Variants in TMEM259 observed in about 807,000 individuals in gnomAD.
The protein encoded by TMEM259 is transmembrane protein 259, also known as membralin.
In TMEM259, 26 loss-of-function variants were observed where a neutral mutation model predicts 46.7. That is an observed-to-expected ratio of 0.56 (90% CI 0.41 to 0.77). The LOEUF is 0.77. Among genes scored for constraint, TMEM259 ranks in the 30% least tolerant of loss-of-function variants. TMEM259 has a pLI of 0.00. For synonymous variants in TMEM259, 494 were observed against 395.1 expected (o/e 1.25, Z -2.97); for missense variants, 930 against 900.5 (o/e 1.03, Z -0.42).
rs2145573391 is a variant in TMEM259, at chr19:1,012,151, G to A, written c.756C>T (p.Ser252=). The A allele has an allele frequency of 6.2e-7, 1 of 1,607,852 alleles. No individual in the cohort carries two copies. The highest frequency in any genetic ancestry group is 8.5e-7 in the Non-Finnish European group (1 of 1,177,692). The change falls in exon 5 of 11, where the codon AGC becomes AGT. Residue 252 remains serine, a synonymous_variant. Coordinates refer to ENST00000356663, the MANE Select transcript of TMEM259 (RefSeq NM_001033026.2). ...CCAGGAACTCATCCAGCAGCAGGCG[G>A]CTGAAGCGGTCCCCGAAGCACTGGT... The part of the protein sequence containing the change: ...TRDQCFGDRF[S]RLLLDEFLGY...
chr19:1,018,798 C>T (rs1048701551), intron 1 of TMEM259, among the ~76,000 whole-genome samples: 3 of 152,078 alleles, frequency 2.0e-5, no homozygotes, highest in African/African-American at 7.2e-5. Context: ...CCAGCCTAGC[C>T]AACATGGCAA....
At chr19:1,016,585 G>C (rs1024996500) in intron 1 of TMEM259, among the ~76,000 whole-genome samples, 1 of 152,258 alleles carries the variant, frequency 6.6e-6, no homozygotes, top group Non-Finnish European at 1.5e-5. Context: ...GGTCGGGGCT[G>C]TCCAACGCTT....
intron 1 of TMEM259, among the ~76,000 whole-genome samples, chr19:1,015,128 C>T (rs969569015): frequency 2.0e-5 from 3 of 152,248 alleles, no homozygotes; most frequent in African/African-American, 2.4e-5. Context: ...GTGCAACCCT[C>T]CCAGGCCTGG....
intron 2 of TMEM259, 103 bp from the exon 3 acceptor site, chr19:1,013,443 G>T: frequency 8.3e-7 from 1 of 1,211,358 alleles, no homozygotes; most frequent in Non-Finnish European, 1.2e-6. Flanking sequence ...GGAAGCCTCA[G>T]CCTCTGCCCC....
At chr19:1,018,286 C>G (rs1434080873) in intron 1 of TMEM259, among the ~76,000 whole-genome samples, 1 of 152,240 alleles carries the variant, frequency 6.6e-6, no homozygotes, top group Non-Finnish European at 1.5e-5. Context: ...CTCCTCTCTC[C>G]CCAGCACCTG....
rs750300381 is a variant in TMEM259, at chr19:1,011,437, T to C, written c.1147A>G (p.Ile383Val). ...TCATACTGGTCCGCGAGCCACACGA[T>C]GAGGATGATGTAGAAGGCGGTGGTG... ...DTTTAFYIIL[I>V]VWLADQYDAI... Residue 383 changes from isoleucine to valine, a missense_variant, in exon 9 of 11, where the codon ATC (isoleucine) becomes GTC (valine). Transcript: ENST00000356663. 3.8e-6 allele frequency: 6 copies of C among 1,568,488 alleles called. No individual in the cohort carries two copies. The South Asian group carries it at 7.0e-5, about 18-fold the overall frequency.
rs988567942 is a variant in TMEM259, at chr19:1,020,609, G to A, written c.225+163C>T. Reference sequence around the variant, plus strand: ...GTCCCTGGCCAATCCCAGGGTCAGAGGTCGCGAGGGAGAGCCCTAATCGGT... The same window carrying A: ...GTCCCTGGCCAATCCCAGGGTCAGAAGTCGCGAGGGAGAGCCCTAATCGGT... On this transcript the variant is annotated intron_variant, in intron 1 of 10. Transcript: ENST00000356663. This position sits in a 1 kb window ranked among gnomAD's most constrained non-coding sequence, Gnocchi z 4.0. Among the ~76,000 whole-genome samples, 1 of 152,136 alleles carries A rather than the reference G, an allele frequency of 6.6e-6. No individual in the cohort carries two copies. The highest frequency in any genetic ancestry group is 2.4e-5 in the African/African-American group (1 of 41,444).
intron 1 of TMEM259, 101 bp from the exon 2 acceptor site, chr19:1,014,574 A>G: frequency 7.4e-7 from 1 of 1,346,880 alleles, no homozygotes; most frequent in Non-Finnish European, 1.0e-6. Context: ...TGGGACGCCC[A>G]GGACGGGGAA....
Position 1,010,425 on chromosome 19 carries a change from G to A in TMEM259, c.1788C>T (p.Pro596=), listed in dbSNP as rs1226471861. 2 of 1,533,060 alleles carry A rather than the reference G, an allele frequency of 1.3e-6. No individual in the cohort carries two copies. The highest frequency in any genetic ancestry group is 1.8e-6 in the Non-Finnish European group (2 of 1,142,274). The allele number at this position is 1,533,060 out of a possible 1,614,324, so 95.0% of individuals were successfully genotyped here. Residue 596 remains proline, a synonymous_variant, in exon 11 of 11, where the codon CCC becomes CCT. Transcript: ENST00000356663. ...PSDSAASDTT[P]LGAAVGGPSP... is the part of the protein sequence containing the mutation. ...TAGGCCCGCCTACCGCAGCCCCCAG[G>A]GGAGTTGTGTCAGAAGCTGCGGAGT...
Position 1,011,798 on chromosome 19 carries a change from T to C in TMEM259, c.943A>G (p.Thr315Ala), listed in dbSNP as rs1202212579. 1 of 1,579,724 alleles carries C rather than the reference T, an allele frequency of 6.3e-7. No homozygotes were observed. Among genetic ancestry groups the C allele is most frequent in the Non-Finnish European group, 8.6e-7 (1 of 1,162,394 alleles). The change falls in exon 7 of 11, where the codon ACG becomes GCG. Residue 315 changes from threonine (T) to alanine (A), a missense_variant and splice_region_variant. Coordinates refer to ENST00000356663, the MANE Select transcript of TMEM259 (RefSeq NM_001033026.2). The stretch of plus-strand genomic sequence containing the variant: ...CGCAGCAGCATGGACACGCTCAGCG[T>C]CTGCAAGGGGCGCGCAGGAAGCGCT... ...LAAFAIMVIFTLSVSMLLRYS... is the reference protein window; with the variant it reads ...LAAFAIMVIFALSVSMLLRYS...
intron 1 of TMEM259, among the ~76,000 whole-genome samples, chr19:1,015,048 C>G (rs988694446): frequency 4.6e-5 from 7 of 152,262 alleles, no homozygotes; most frequent in African/African-American, 1.7e-4. Flanking sequence ...GCCTCACCTT[C>G]CGCTGCGTCC....
Position 1,012,558 on chromosome 19 carries a change from T to A in TMEM259, c.623A>T (p.Glu208Val). 6.3e-7 allele frequency: 1 copy of A among 1,587,988 alleles called. No homozygotes were observed. Among genetic ancestry groups the A allele is most frequent in the Non-Finnish European group, 8.6e-7 (1 of 1,168,210 alleles). ...CTCTAGTGAGTACTCCACGATGTAC[T>A]CGTCCTGCGGCCACACTGCAGGGCA... The part of the protein sequence containing the change: ...ETPTKVWPQD[E>V]YIVEYSLEYG... Residue 208 changes from glutamate to valine, a missense_variant, in exon 4 of 11, where the codon GAG (glutamate) becomes GTG (valine). Glu to Val is a moderately radical substitution (Grantham distance 121). Transcript: ENST00000356663.
Position 1,012,100 on chromosome 19 carries a change from G to A in TMEM259, c.807C>T (p.Ser269=), listed in dbSNP as rs775822771. The change falls in exon 5 of 11, where the codon AGC becomes AGT. Residue 269 remains serine (S), a synonymous_variant. Coordinates refer to ENST00000356663, the MANE Select transcript of TMEM259 (RefSeq NM_001033026.2). ...FLGYDDILMS[S]VKGLAENEEN... ...CCTCGTTCTCGGCCAGGCCCTTCACGCTGGACATGAGGATGTCATCGTAGC... is the reference window on the plus strand; with the variant it reads ...CCTCGTTCTCGGCCAGGCCCTTCACACTGGACATGAGGATGTCATCGTAGC... 2.7e-5 allele frequency: 43 copies of A among 1,611,420 alleles called. No individual in the cohort carries two copies. Among genetic ancestry groups the A allele is most frequent in the South Asian group, 1.9e-4 (17 of 90,814 alleles).
chr19:1,016,815 A>ACATCCTGC (rs2145602659), intron 1 of TMEM259, among the ~76,000 whole-genome samples: 1 of 152,316 alleles, frequency 6.6e-6, no homozygotes, highest in East Asian at 1.9e-4. Flanking sequence ...CACAGGACAC[A>ACATCCTGC]CATCCTGCCA....
At position 1,012,127 on chromosome 19, in the gene TMEM259, C is replaced by T. The variant is rs1464080334; in HGVS notation, c.780G>A (p.Leu260=). 1.2e-6 allele frequency: 2 copies of T among 1,610,438 alleles called. No individual in the cohort carries two copies. The highest frequency in any genetic ancestry group is 2.2e-5 in the South Asian group (2 of 90,588). Reference sequence around the variant, plus strand: ...TGGACATGAGGATGTCATCGTAGCCCAGGAACTCATCCAGCAGCAGGCGGC... The same window carrying T: ...TGGACATGAGGATGTCATCGTAGCCTAGGAACTCATCCAGCAGCAGGCGGC... ...RFSRLLLDEF[L]GYDDILMSSV... The change falls in exon 5 of 11, where the codon CTG becomes CTA. Residue 260 remains leucine (L), a synonymous_variant. Coordinates refer to ENST00000356663, the MANE Select transcript of TMEM259 (RefSeq NM_001033026.2).
At chr19:1,014,154 G>T (rs751358295) in intron 2 of TMEM259, 38 bp downstream of exon 2, 1 of 1,585,620 alleles carries the variant, frequency 6.3e-7, no homozygotes, top group East Asian at 2.3e-5. Flanking sequence ...TCTACGGGGC[G>T]CTGGCCTCTG....
chr19:1,014,472 G>C lies in TMEM259; in HGVS notation c.227C>G (p.Ala76Gly). 3.1e-6 allele frequency: 5 copies of C among 1,604,280 alleles called. No individual in the cohort carries two copies. The highest frequency in any genetic ancestry group is 4.3e-6 in the Non-Finnish European group (5 of 1,174,442). Residue 76 changes from alanine to glycine, a missense_variant and splice_region_variant, in exon 2 of 11, where the codon GCC becomes GGC. Physicochemically the swap from Ala to Gly is moderately conservative, Grantham distance 60 (BLOSUM62 0). Transcript: ENST00000356663. The part of the protein sequence containing the change: ...RLFEFFVLLK[A>G]LFVLFVLAYI... Reference sequence around the variant, plus strand: ...GGCCAGGACGAAGAGCACAAACAGGGCCTAGGGGGCGGCCGGCAGTCAGTG... The same window carrying C: ...GGCCAGGACGAAGAGCACAAACAGGCCCTAGGGGGCGGCCGGCAGTCAGTG...
At chr19:1,013,626 G>A in intron 2 of TMEM259, 1 of 377,752 alleles carries the variant, frequency 2.6e-6, no homozygotes, top group East Asian at 5.2e-5. Context: ...ATGATGCTCT[G>A]CCCAAACACT....
At position 1,020,117 on chromosome 19, in the gene TMEM259, G is replaced by A. The variant is rs1250049964; in HGVS notation, c.225+655C>T. Among the ~76,000 whole-genome samples the A allele has an allele frequency of 2.0e-5, 3 of 152,184 alleles. No homozygotes were observed. The highest frequency in any genetic ancestry group is 1.9e-4 in the East Asian group (1 of 5,188). On this transcript the variant is annotated intron_variant, in intron 1 of 10. Transcript: ENST00000356663. The surrounding 1 kb of genome is among the most constrained non-coding windows in gnomAD (Gnocchi z 4.0). The stretch of plus-strand genomic sequence containing the variant: ...GGACCCAGCGGAGGAAGAGGCCGGG[G>A]ATGGGGTGGTACGCTGCTGCCGGTG...
Sources: allele counts gnomAD v4.1 joint callset (sites outside exome capture counted in the v4.1 genomes callset), GRCh38; gene constraint gnomAD v4.1.1; non-coding constraint Gnocchi (gnomAD v3.1); transcripts MANE v1.5; gene names NCBI Gene and HGNC (gene_info 2026-07-23, HGNC 2026-07-21).